The following SYN3 variants were observed in gnomAD, a reference collection of about 807,000 sequenced individuals.
SYN3 encodes synapsin-3.
A neutral mutation model predicts 65.8 loss-of-function variants in SYN3; 35 were observed. The ratio of observed to expected loss-of-function variants is 0.53; its 90% confidence interval spans 0.41 to 0.70. The LOEUF is 0.70. SYN3 is among the 30% of genes least tolerant of loss of function. SYN3 has a pLI of 0.00. For missense variants in SYN3, 680 were observed against 749.0 expected (o/e 0.91, Z 1.08); for synonymous variants, 270 against 292.9 (o/e 0.92, Z 0.80).
chr22:32,815,056 T>C (rs2146022137), intron 6 of SYN3, among the ~76,000 whole-genome samples: 1 of 152,368 alleles, frequency 6.6e-6, no homozygotes, highest in Middle Eastern at 3.4e-3. Context: ...ATATCTCAGT[T>C]TGGACTAGTT....
intron 6 of SYN3, among the ~76,000 whole-genome samples, chr22:32,704,375 T>C (rs1372065676): frequency 1.3e-5 from 2 of 152,212 alleles, no homozygotes; most frequent in South Asian, 2.1e-4. Context: ...GCTCCATCCA[T>C]GTTCCTGCAA....
At chr22:32,858,050 T>C in intron 6 of SYN3, 3 of 1,614,170 alleles carry the variant, frequency 1.9e-6, no homozygotes, top group Non-Finnish European at 2.5e-6. Flanking sequence ...TACACGGGGC[T>C]GTGCAACTTC....
intron 1 of SYN3, among the ~76,000 whole-genome samples, chr22:33,007,627 G>C (rs952683761): frequency 4.6e-5 from 7 of 152,310 alleles, no homozygotes; most frequent in Admixed American, 3.3e-4. Context: ...TGAAAGCAAA[G>C]GTAAAAGGCA....
At chr22:32,811,322 C>T (rs2016293) in intron 6 of SYN3, among the ~76,000 whole-genome samples, 66,781 of 152,048 alleles carry the variant, frequency 0.44, 15,376 homozygotes, top group Admixed American at 0.55. Context: ...AGCCCTTAGT[C>T]TATACAAGAG....
intron 4 of SYN3, among the ~76,000 whole-genome samples, chr22:32,914,586 C>T (rs1283782238): frequency 2.6e-5 from 4 of 151,736 alleles, no homozygotes; most frequent in East Asian, 1.9e-4. Flanking sequence ...TACAGGCGCC[C>T]GCCACCATGC....
rs57213553 is a variant in SYN3, at chr22:32,852,937, C to T, written c.711+11978G>A. On this transcript the variant is annotated intron_variant, in intron 6 of 13. Coordinates refer to ENST00000358763, the MANE Select transcript of SYN3 (RefSeq NM_003490.4). Reference sequence around the variant, plus strand: ...GGAGTTATTGTTTATGTAGCGGAGACATGCTCTCCAGCTGGCTGCAGGGGA... The same window carrying T: ...GGAGTTATTGTTTATGTAGCGGAGATATGCTCTCCAGCTGGCTGCAGGGGA... Among the ~76,000 whole-genome samples, 1,426 of 152,270 alleles carry T rather than the reference C, an allele frequency of 9.4e-3. 29 individuals are homozygous for T. The highest frequency in any genetic ancestry group is 0.033 in the African/African-American group (1,386 of 41,550).
intron 2 of SYN3, among the ~76,000 whole-genome samples, chr22:32,992,079 G>A (rs2052732131): frequency 6.7e-6 from 1 of 148,176 alleles, no homozygotes; most frequent in Non-Finnish European, 1.5e-5. Context: ...TCACTTGGAG[G>A]GCCTGGGCCA....
rs2057699592 is a variant in SYN3, at chr22:32,512,309, A to G, written c.*1383T>C. Among the ~76,000 whole-genome samples, 1 of 152,146 alleles carries G rather than the reference A, an allele frequency of 6.6e-6. No homozygotes were observed. The highest frequency in any genetic ancestry group is 2.1e-4 in the South Asian group (1 of 4,826). On this transcript the variant is annotated 3_prime_UTR_variant, in exon 14 of 14. Coordinates refer to ENST00000358763, the MANE Select transcript of SYN3 (RefSeq NM_003490.4). Reference sequence around the variant, plus strand: ...GGACAGCAAAAGGAAGACATGTCTCATGTTGCGAAGTGGGAGGCAAGGGGC... The same window carrying G: ...GGACAGCAAAAGGAAGACATGTCTCGTGTTGCGAAGTGGGAGGCAAGGGGC...
chr22:33,008,511 A>G (rs2053255557), intron 1 of SYN3, among the ~76,000 whole-genome samples: 1 of 152,134 alleles, frequency 6.6e-6, no homozygotes, highest in South Asian at 2.1e-4. Flanking sequence ...GCTTCCCTCA[A>G]TGGTTCTGAG....
chr22:32,998,735 G>T, intron 2 of SYN3, among the ~76,000 whole-genome samples: 1 of 104,894 alleles, frequency 9.5e-6, no homozygotes, highest in South Asian at 3.1e-4. Flanking sequence ...TTTTGATTTT[G>T]AAAATCAAAC....
chr22:32,763,843 T>C (rs575118670), intron 6 of SYN3, among the ~76,000 whole-genome samples: 1 of 151,968 alleles, frequency 6.6e-6, no homozygotes, highest in African/African-American at 2.4e-5. Flanking sequence ...GATCAGGGTA[T>C]GGAAAAGCAG....
intron 6 of SYN3, among the ~76,000 whole-genome samples, chr22:32,675,262 C>A (rs2060423649): frequency 1.3e-5 from 2 of 152,180 alleles, no homozygotes; most frequent in African/African-American, 4.8e-5. Context: ...TTACCATCCA[C>A]CTGCAAGCCT....
intron 3 of SYN3, among the ~76,000 whole-genome samples, chr22:32,964,975 C>T (rs969070987): frequency 4.6e-5 from 7 of 152,116 alleles, no homozygotes; most frequent in East Asian, 1.9e-4. Context: ...AACTGCACCT[C>T]GATCAGTCCC....
Position 32,859,356 on chromosome 22 carries a change from C to T in SYN3, c.711+5559G>A, listed in dbSNP as rs749317282. Reference sequence around the variant, plus strand: ...GATGGGCCCCCCCGGATAAAAGCATCATCAATGCCACAGACCCCTGAGCGC... The same window carrying T: ...GATGGGCCCCCCCGGATAAAAGCATTATCAATGCCACAGACCCCTGAGCGC... On this transcript the variant is annotated intron_variant, in intron 6 of 13. Coordinates refer to ENST00000358763, the MANE Select transcript of SYN3 (RefSeq NM_003490.4). 31 of 1,611,974 alleles carry T rather than the reference C, an allele frequency of 1.9e-5. No homozygotes were observed. Among genetic ancestry groups the T allele is most frequent in the Non-Finnish European group, 2.5e-5 (30 of 1,180,000 alleles).
intron 12 of SYN3, among the ~76,000 whole-genome samples, chr22:32,520,509 C>T (rs947863813): frequency 6.6e-5 from 10 of 152,290 alleles, no homozygotes; most frequent in East Asian, 3.9e-4. Context: ...TAAGGGGACA[C>T]GCCGAGATTC....
chr22:32,820,313 CGTGT>C (rs937436610), intron 6 of SYN3, among the ~76,000 whole-genome samples: 10 of 146,582 alleles, frequency 6.8e-5, no homozygotes, highest in South Asian at 2.2e-4. Flanking sequence ...TGTTCTACTC[CGTGT>C]GTGTGTCATC....
chr22:32,648,575 C>T (rs1176764998), intron 6 of SYN3, among the ~76,000 whole-genome samples: 1 of 152,182 alleles, frequency 6.6e-6, no homozygotes, highest in East Asian at 1.9e-4. Context: ...AAGAGCACAG[C>T]ATTGGTTAGA....
chr22:32,952,543 C>T (rs2051323145), intron 3 of SYN3, among the ~76,000 whole-genome samples: 1 of 151,934 alleles, frequency 6.6e-6, no homozygotes, highest in African/African-American at 2.4e-5. Context: ...TTGCTTGAGC[C>T]CAGGAGTTCG....
At chr22:32,708,732 C>T (rs2147234389) in intron 6 of SYN3, among the ~76,000 whole-genome samples, 1 of 152,304 alleles carries the variant, frequency 6.6e-6, no homozygotes, top group Non-Finnish European at 1.5e-5. Flanking sequence ...CACCTTCTTC[C>T]AAGAGGAAGG....
Sources: gnomAD v4.1 joint callset for allele counts (sites outside exome capture counted in the v4.1 genomes callset) on GRCh38, gnomAD v4.1.1 for gene constraint, MANE v1.5 for transcripts, NCBI Gene and HGNC (gene_info 2026-07-23, HGNC 2026-07-21) for gene names.